Variants in PSMB5 observed in about 807,000 individuals in gnomAD.
PSMB5 encodes the protein proteasome 20S subunit beta 5.
In PSMB5, 2 loss-of-function variants were observed where a neutral mutation model predicts 22.8. The observed-to-expected ratio is 0.09, with a 90% CI of 0.04 to 0.28. PSMB5 has a LOEUF of 0.28. Among genes scored for constraint, PSMB5 ranks in the 10% least tolerant of loss-of-function variants. The pLI, the probability that PSMB5 is intolerant of heterozygous loss-of-function variation, is 1.00. For synonymous variants in PSMB5, 133 were observed against 135.3 expected (o/e 0.98, Z 0.12); for missense variants, 269 against 343.8 (o/e 0.78, Z 1.72).
Position 23,033,666 on chromosome 14 carries a change from A to C in PSMB5, c.207T>G (p.His69Gln), listed in dbSNP as rs1484825327. Reference protein sequence around the residue: ...GTTTLAFKFRHGVIVAADSRA... With the variant: ...GTTTLAFKFRQGVIVAADSRA... ...TGGAGTCAGCTGCAACTATGACTCCATGGCGGAACTGTTAAGATCAGAGGA... is the reference window on the plus strand; with the variant it reads ...TGGAGTCAGCTGCAACTATGACTCCCTGGCGGAACTGTTAAGATCAGAGGA... Residue 69 changes from histidine (H) to glutamine (Q), a missense_variant, in exon 2 of 3, where the codon CAT (histidine) becomes CAG (glutamine). Transcript: ENST00000361611. 4.4e-6 allele frequency: 7 copies of C among 1,606,568 alleles called. No individual in the cohort carries two copies. Among genetic ancestry groups the C allele is most frequent in the Non-Finnish European group, 6.0e-6 (7 of 1,174,066 alleles).
chr14:23,026,400 G>GA, intron 2 of PSMB5, 25 bp from the exon 3 acceptor site: 3 of 1,577,326 alleles, frequency 1.9e-6, no homozygotes, highest in African/African-American at 1.4e-5. Context: ...GAGGTTAGCA[G>GA]GAAAAAAAAA....
chr14:23,027,165 G>A (rs913702925), intron 2 of PSMB5, among the ~76,000 whole-genome samples: 6 of 151,498 alleles, frequency 4.0e-5, no homozygotes, highest in Non-Finnish European at 5.9e-5. Context: ...GGTGGATCAC[G>A]AGGTCAGGAG....
chr14:23,034,217 G>T (rs141496432), intron 1 of PSMB5, among the ~76,000 whole-genome samples: 5 of 152,024 alleles, frequency 3.3e-5, no homozygotes, highest in African/African-American at 1.2e-4. Flanking sequence ...TTATTGCAGA[G>T]CTGGGCAAGG....
At chr14:23,032,902 C>T (rs1338200763) in intron 2 of PSMB5, among the ~76,000 whole-genome samples, 5 of 143,962 alleles carry the variant, frequency 3.5e-5, no homozygotes, top group Admixed American at 7.0e-5. Flanking sequence ...CGGCCTTCAA[C>T]GAATTCTTAA....
At chr14:23,031,601 T>A (rs1160450207) in intron 2 of PSMB5, among the ~76,000 whole-genome samples, 2 of 152,238 alleles carry the variant, frequency 1.3e-5, no homozygotes, top group Non-Finnish European at 2.9e-5. Flanking sequence ...GGTGACTAGC[T>A]ATACTCCAAC....
chr14:23,034,617 C>T, intron 1 of PSMB5, 67 bp downstream of exon 1: 10 of 1,562,496 alleles, frequency 6.4e-6, no homozygotes, highest in Non-Finnish European at 8.7e-6. Context: ...AAACTCCGGT[C>T]AGGCTGGGAG....
At chr14:23,034,013 T>TA (rs1488827771) in intron 1 of PSMB5, among the ~76,000 whole-genome samples, 1 of 149,998 alleles carries the variant, frequency 6.7e-6, no homozygotes, top group Non-Finnish European at 1.5e-5. Flanking sequence ...CTACAAAAAG[T>TA]AAAAAAACTT....
At chr14:23,030,098 G>A (rs1270032117) in intron 2 of PSMB5, among the ~76,000 whole-genome samples, 7 of 151,844 alleles carry the variant, frequency 4.6e-5, no homozygotes, top group Non-Finnish European at 1.0e-4. Context: ...GGCTGGTCTC[G>A]AACTCCTGAT....
chr14:23,026,147 C>T lies in PSMB5; in HGVS notation c.734G>A (p.Arg245Gln), dbSNP rs372740401. ...ATCAGCCACATTGTCACTGGAGACT[C>T]GGATCCAGCCATCCTCCCGCACGTG... Reference protein sequence around the residue: ...LYHVREDGWIRVSSDNVADLH... With the variant: ...LYHVREDGWIQVSSDNVADLH... The change falls in exon 3 of 3, where the codon CGA (arginine) becomes CAA (glutamine). Residue 245 changes from arginine to glutamine, a missense_variant. By Grantham distance (43) the Arg-to-Gln change is conservative. This residue lies in a region of PSMB5 where 113 missense variants were observed against 130.2 expected (regional missense o/e 0.87). Coordinates refer to ENST00000361611, the MANE Select transcript of PSMB5 (RefSeq NM_002797.5). 6.2e-6 allele frequency: 10 copies of T among 1,614,158 alleles called. No homozygotes were observed. Among genetic ancestry groups the T allele is most frequent in the East Asian group, 2.2e-5 (1 of 44,874 alleles).
rs751817666 is a variant in PSMB5 at position 23,026,144 on chromosome 14, A to T, written c.737T>A (p.Val246Asp). The T allele has an allele frequency of 2.5e-6, 4 of 1,613,880 alleles. No individual in the cohort carries two copies. Among genetic ancestry groups the T allele is most frequent in the Admixed American group, 3.3e-5 (2 of 59,988 alleles). The change falls in exon 3 of 3, where the codon GTC becomes GAC. Residue 246 changes from valine to aspartate, a missense_variant. Val to Asp is a radical substitution (Grantham distance 152). Around this residue, in one of 3 missense-constraint regions of PSMB5, gnomAD observed 113 missense variants for 130.2 expected, o/e 0.87. Coordinates refer to ENST00000361611, the MANE Select transcript of PSMB5 (RefSeq NM_002797.5). ...YHVREDGWIR[V>D]SSDNVADLHE... is the part of the protein sequence containing the mutation. Reference sequence around the variant, plus strand: ...TAGATCAGCCACATTGTCACTGGAGACTCGGATCCAGCCATCCTCCCGCAC... The same window carrying T: ...TAGATCAGCCACATTGTCACTGGAGTCTCGGATCCAGCCATCCTCCCGCAC...
At chr14:23,031,694 T>C (rs142411093) in intron 2 of PSMB5, among the ~76,000 whole-genome samples, 45 of 152,324 alleles carry the variant, frequency 3.0e-4, no homozygotes, top group Non-Finnish European at 6.0e-4. Flanking sequence ...GTTTCTTAAA[T>C]GCTGGAAAGG....
intron 2 of PSMB5, among the ~76,000 whole-genome samples, chr14:23,027,181 G>A (rs1378521014): frequency 6.6e-6 from 1 of 151,684 alleles, no homozygotes; most frequent in African/African-American, 2.4e-5. Flanking sequence ...AGGAGATCGA[G>A]ATCATCCTGG....
Position 23,034,680 on chromosome 14 carries a change from A to T in PSMB5, c.198+4T>A. ...TCAGCCTGGCAAGGGGGCTGGCTCC[A>T]CACCTTGAAGGCCAGGGTGGTTGTT... On this transcript the variant is annotated splice_donor_region_variant and intron_variant, in intron 1 of 2. Coordinates refer to ENST00000361611, the MANE Select transcript of PSMB5 (RefSeq NM_002797.5). 1 of 1,613,734 alleles carries T rather than the reference A, an allele frequency of 6.2e-7. No individual in the cohort carries two copies. The highest frequency in any genetic ancestry group is 8.5e-7 in the Non-Finnish European group (1 of 1,179,758).
intron 2 of PSMB5, among the ~76,000 whole-genome samples, chr14:23,028,607 C>G (rs2046932487): frequency 6.6e-6 from 1 of 152,118 alleles, no homozygotes; most frequent in Admixed American, 6.5e-5. Flanking sequence ...AGGGTTTGGC[C>G]AGGCCAACTG....
chr14:23,031,830 T>C (rs912173668), intron 2 of PSMB5, among the ~76,000 whole-genome samples: 4 of 152,242 alleles, frequency 2.6e-5, no homozygotes, highest in African/African-American at 7.2e-5. Flanking sequence ...GGCTCACTCC[T>C]GTAATCTCAA....
rs1344918727 is a variant in PSMB5, at chr14:23,026,141, G to A, written c.740C>T (p.Ser247Phe). The change falls in exon 3 of 3, where the codon TCC (serine) becomes TTC (phenylalanine). Residue 247 changes from serine (S) to phenylalanine (F), a missense_variant. By Grantham distance (155) the Ser-to-Phe change is radical (BLOSUM62 -2). Coordinates refer to ENST00000361611, the MANE Select transcript of PSMB5 (RefSeq NM_002797.5). The stretch of plus-strand genomic sequence containing the variant: ...ATGTAGATCAGCCACATTGTCACTG[G>A]AGACTCGGATCCAGCCATCCTCCCG... ...HVREDGWIRV[S>F]SDNVADLHEK... is the part of the protein sequence containing the mutation. The A allele has an allele frequency of 5.6e-6, 9 of 1,614,024 alleles. No individual in the cohort carries two copies. Among genetic ancestry groups the A allele is most frequent in the Non-Finnish European group, 7.6e-6 (9 of 1,180,034 alleles).
chr14:23,034,044 G>A (rs928599868), intron 1 of PSMB5, among the ~76,000 whole-genome samples: 2 of 151,126 alleles, frequency 1.3e-5, no homozygotes, highest in South Asian at 4.2e-4. Context: ...GGTGGTGTGT[G>A]CCTATAGTGT....
Position 23,033,655 on chromosome 14 carries a change from A to G in PSMB5, c.218T>C (p.Val73Ala). 1 of 1,608,944 alleles carries G rather than the reference A, an allele frequency of 6.2e-7. No individual in the cohort carries two copies. Among genetic ancestry groups the G allele is most frequent in the Non-Finnish European group, 8.5e-7 (1 of 1,175,728 alleles). The part of the protein sequence containing the change: ...LAFKFRHGVI[V>A]AADSRATAGA... ...CGCTGTAGCCCTGGAGTCAGCTGCA[A>G]CTATGACTCCATGGCGGAACTGTTA... The change falls in exon 2 of 3, where the codon GTT (valine) becomes GCT (alanine). Residue 73 changes from valine (V) to alanine (A), a missense_variant. Physicochemically the swap from Val to Ala is moderately conservative, Grantham distance 64. Coordinates refer to ENST00000361611, the MANE Select transcript of PSMB5 (RefSeq NM_002797.5).
rs1270502071 is a variant in PSMB5, at chr14:23,026,035, G to C, written c.*54C>G. On this transcript the variant is annotated 3_prime_UTR_variant, in exon 3 of 3. Transcript: ENST00000361611. ...GGATGGAGGATGGGTCACTGTGTCCGTATTACCAATGACAGTCACCCCAAG... is the reference window on the plus strand; with the variant it reads ...GGATGGAGGATGGGTCACTGTGTCCCTATTACCAATGACAGTCACCCCAAG... The C allele has an allele frequency of 6.3e-7, 1 of 1,594,910 alleles. No individual in the cohort carries two copies. Among genetic ancestry groups the C allele is most frequent in the African/African-American group, 1.3e-5 (1 of 74,772 alleles).
Sources: gnomAD v4.1 joint callset for allele counts (sites outside exome capture counted in the v4.1 genomes callset) on GRCh38, gnomAD v4.1.1 for gene constraint, gnomAD v4.1.1 regional missense constraint, MANE v1.5 for transcripts, NCBI Gene and HGNC (gene_info 2026-07-23, HGNC 2026-07-21) for gene names.